Variants in NBAS observed in about 807,000 individuals in gnomAD.
The protein encoded by NBAS is NBAS subunit of NRZ tethering complex.
Under a neutral mutation model 302.5 loss-of-function variants are expected in NBAS, and 219 were observed. The observed-to-expected ratio is 0.72, with a 90% CI of 0.65 to 0.81. The LOEUF (loss-of-function observed/expected upper bound fraction) is 0.81, where lower values mean the gene tolerates loss of function less well. Among genes scored for constraint, NBAS ranks in the 30% least tolerant of loss-of-function variants. The pLI, the probability that NBAS is intolerant of heterozygous loss-of-function variation, is 0.00. For missense variants in NBAS, 2,932 were observed against 2,841.6 expected (o/e 1.03, Z -0.72); for synonymous variants, 1,118 against 1,021.6 (o/e 1.09, Z -1.80).
At chr2:15,391,983 C>T (rs992148002) in intron 28 of NBAS, among the ~76,000 whole-genome samples, 2 of 143,108 alleles carry the variant, frequency 1.4e-5, no homozygotes. Flanking sequence ...TTTAAACAAA[C>T]AAAGATGTAC....
the NBAS span, among the ~76,000 whole-genome samples, chr2:14,973,929 C>T: frequency 2.0e-5 from 3 of 152,152 alleles, no homozygotes; most frequent in Non-Finnish European, 2.9e-5. Flanking sequence ...CTCCATAACC[C>T]CCTCTGCCTG....
intron 35 of NBAS, among the ~76,000 whole-genome samples, chr2:15,338,674 T>TACACACACAC (rs70961409): frequency 0.063 from 8,497 of 134,714 alleles, 402 homozygotes; most frequent in Admixed American, 0.1. Flanking sequence ...AACACACACA[T>TACACACACAC]ACACACACAC....
At chr2:15,552,724 C>A (rs1048878498) in intron 5 of NBAS, among the ~76,000 whole-genome samples, 2 of 151,864 alleles carry the variant, frequency 1.3e-5, no homozygotes, top group Non-Finnish European at 2.9e-5. Flanking sequence ...TCAAGTAATA[C>A]GTAACCTAGG....
the NBAS span, among the ~76,000 whole-genome samples, chr2:15,022,361 G>A: frequency 6.6e-6 from 1 of 152,128 alleles, no homozygotes; most frequent in African/African-American, 2.4e-5. Context: ...ATGTTGAGAG[G>A]TCATGTCAAC....
At chr2:14,968,580 G>C in the NBAS span, among the ~76,000 whole-genome samples, 1 of 152,162 alleles carries the variant, frequency 6.6e-6, no homozygotes, top group Non-Finnish European at 1.5e-5. Context: ...TGCAATTATA[G>C]GGGTGCACTA....
the NBAS span, among the ~76,000 whole-genome samples, chr2:14,959,222 T>C: frequency 2.6e-5 from 4 of 152,242 alleles, no homozygotes; most frequent in African/African-American, 9.6e-5. Context: ...CTGCTCATAC[T>C]GAGCTTTACC....
At chr2:14,956,151 C>CT in the NBAS span, among the ~76,000 whole-genome samples, 1 of 152,168 alleles carries the variant, frequency 6.6e-6, no homozygotes, top group African/African-American at 2.4e-5. Flanking sequence ...AGTCTCTTTG[C>CT]AAAAGAAAAG....
At chr2:15,372,975 C>A (rs1434790172) in intron 31 of NBAS, among the ~76,000 whole-genome samples, 3 of 152,160 alleles carry the variant, frequency 2.0e-5, no homozygotes, top group Admixed American at 1.3e-4. Context: ...CAGGCACACA[C>A]ACACAGAGTC....
chr2:15,042,435 C>A, the NBAS span, among the ~76,000 whole-genome samples: 1 of 151,822 alleles, frequency 6.6e-6, no homozygotes, highest in African/African-American at 2.4e-5. Context: ...CAAAATCGAT[C>A]CAGGAAATTG....
the NBAS span, among the ~76,000 whole-genome samples, chr2:15,001,150 A>T: frequency 6.6e-6 from 1 of 152,202 alleles, no homozygotes; most frequent in Non-Finnish European, 1.5e-5. Context: ...CCTTATGAGG[A>T]ACACAAGGTT....
intron 42 of NBAS, among the ~76,000 whole-genome samples, chr2:15,284,362 A>G (rs1322085024): frequency 6.6e-6 from 1 of 152,206 alleles, no homozygotes; most frequent in Non-Finnish European, 1.5e-5. Flanking sequence ...GCTTCAGAGA[A>G]GGGAATTATC....
chr2:15,186,122 A>ATG (rs201855437), intron 50 of NBAS, among the ~76,000 whole-genome samples: 7 of 150,494 alleles, frequency 4.7e-5, no homozygotes, highest in Admixed American at 1.3e-4. Flanking sequence ...ATGTGTATGT[A>ATG]TGTGTGTATA....
At chr2:14,922,341 G>A in the NBAS span, among the ~76,000 whole-genome samples, 1 of 152,212 alleles carries the variant, frequency 6.6e-6, no homozygotes, top group Non-Finnish European at 1.5e-5. Flanking sequence ...GAGTGGAGAG[G>A]AAGTCCTGTT....
Position 15,275,779 on chromosome 2 carries a change from G to C in NBAS, c.5429C>G (p.Pro1810Arg). The C allele has an allele frequency of 6.2e-7, 1 of 1,613,936 alleles. No homozygotes were observed. Among genetic ancestry groups the C allele is most frequent in the Non-Finnish European group, 8.5e-7 (1 of 1,180,012 alleles). Residue 1810 changes from proline (P) to arginine (R), a missense_variant, in exon 44 of 52, where the codon CCT becomes CGT. Physicochemically the swap from Pro to Arg is moderately radical, Grantham distance 103. Coordinates refer to ENST00000281513, the MANE Select transcript of NBAS (RefSeq NM_015909.4). Reference sequence around the variant, plus strand: ...AAGAACTGGCTCCAATGCTTCAAGAGGACTCATGTTTTCATCTGTCAGCTT... The same window carrying C: ...AAGAACTGGCTCCAATGCTTCAAGACGACTCATGTTTTCATCTGTCAGCTT... ...YKKLTDENMS[P>R]LEALEPVLSS...
the NBAS span, among the ~76,000 whole-genome samples, chr2:15,015,331 T>G: frequency 6.6e-6 from 1 of 151,686 alleles, no homozygotes; most frequent in Non-Finnish European, 1.5e-5. Context: ...CACACACACA[T>G]GCACAAAAGA....
At chr2:14,997,203 A>G in the NBAS span, among the ~76,000 whole-genome samples, 14 of 152,288 alleles carry the variant, frequency 9.2e-5, 1 homozygote, top group East Asian at 2.7e-3. Flanking sequence ...AGAAAAGAGA[A>G]AAGTATTGGG....
the NBAS span, among the ~76,000 whole-genome samples, chr2:15,041,480 A>G: frequency 2.6e-5 from 4 of 152,334 alleles, no homozygotes; most frequent in East Asian, 3.9e-4. Flanking sequence ...GCAGGATCCC[A>G]TTCTGTAGCA....
chr2:14,860,587 G>A, the NBAS span, among the ~76,000 whole-genome samples: 2 of 152,132 alleles, frequency 1.3e-5, no homozygotes, highest in South Asian at 4.1e-4. Context: ...AGCACAGAAA[G>A]ACAAATCCCA....
At chr2:15,028,475 C>T in the NBAS span, among the ~76,000 whole-genome samples, 1 of 152,180 alleles carries the variant, frequency 6.6e-6, no homozygotes, top group Non-Finnish European at 1.5e-5. Flanking sequence ...GCATTATTAT[C>T]TTTTTAAAAC....
Sources: allele counts gnomAD v4.1 joint callset (sites outside exome capture counted in the v4.1 genomes callset), GRCh38; gene constraint gnomAD v4.1.1; transcripts MANE v1.5; gene names NCBI Gene and HGNC (gene_info 2026-07-23, HGNC 2026-07-21).